RAB31: variants seen among roughly 807,000 people sequenced by gnomAD.
The protein encoded by RAB31 is RAB31, member RAS oncogene family.
In RAB31, 21 loss-of-function variants were observed where a neutral mutation model predicts 25.6. That is an observed-to-expected ratio of 0.82 (90% CI 0.58 to 1.18). The LOEUF (loss-of-function observed/expected upper bound fraction) is 1.18. Ranked by LOEUF, RAB31 falls within the 50% of genes most tolerant of loss-of-function variation. RAB31 has a pLI of 0.00. For synonymous variants in RAB31, 87 were observed against 84.0 expected, an observed-to-expected ratio of 1.04 and a Z score of -0.20; for missense variants, 196 against 250.1, an observed-to-expected ratio of 0.78 and a Z score of 1.46.
chr18:9,823,630 A>T (rs1681964238), intron 5 of RAB31, among the ~76,000 whole-genome samples: 1 of 152,218 alleles, frequency 6.6e-6, no homozygotes, highest in South Asian at 2.1e-4. Flanking sequence ...AGATAAAAAT[A>T]ATAAATATTG....
At chr18:9,797,875 G>GGAT (rs1402709511) in intron 3 of RAB31, among the ~76,000 whole-genome samples, 12 of 152,166 alleles carry the variant, frequency 7.9e-5, no homozygotes, top group Admixed American at 6.6e-4. Context: ...GGCTATTCAA[G>GGAT]GAATAGTCTT....
chr18:9,830,175 A>T lies in RAB31; in HGVS notation c.380+14953A>T, dbSNP rs78207791. Among the ~76,000 whole-genome samples the T allele has an allele frequency of 4.6e-3, 691 of 151,600 alleles. 4 individuals are homozygous for T. The highest frequency in any genetic ancestry group is 0.015 in the African/African-American group (628 of 41,348). ...ACCACCATACCCAGCTAATTTTTTT[A>T]AAAAAATTTATGTGTTTGTAGAGAT... On this transcript the variant is annotated intron_variant, in intron 5 of 6. Coordinates refer to ENST00000578921, the MANE Select transcript of RAB31 (RefSeq NM_006868.4).
chr18:9,847,887 T>C (rs2068769590), intron 6 of RAB31, among the ~76,000 whole-genome samples: 1 of 152,072 alleles, frequency 6.6e-6, no homozygotes, highest in South Asian at 2.1e-4. Context: ...AGTAATAACT[T>C]AAAAGACATT....
At chr18:9,722,631 G>A (rs2068078919) in intron 1 of RAB31, 1 of 152,162 alleles carries the variant, frequency 6.6e-6, no homozygotes, top group South Asian at 2.1e-4. Context: ...TTATACAGTG[G>A]AATAGTTAAT....
At chr18:9,800,814 T>G (rs1426095627) in intron 3 of RAB31, among the ~76,000 whole-genome samples, 1 of 152,206 alleles carries the variant, frequency 6.6e-6, no homozygotes, top group Non-Finnish European at 1.5e-5. Context: ...ACAGCTTTAC[T>G]GAGATCCGAT....
chr18:9,807,127 G>C (rs780898381), intron 3 of RAB31, among the ~76,000 whole-genome samples: 2 of 152,184 alleles, frequency 1.3e-5, no homozygotes, highest in Non-Finnish European at 2.9e-5. Context: ...TCTGAAGGCC[G>C]TGCTGGCTAG....
At chr18:9,709,526 GA>G (rs1488208745) in intron 1 of RAB31, among the ~76,000 whole-genome samples, 1 of 152,354 alleles carries the variant, frequency 6.6e-6, no homozygotes, top group East Asian at 1.9e-4. Context: ...TGATTTCGGT[GA>G]GGACTGAATT....
At chr18:9,714,666 T>C (rs1599008356) in intron 1 of RAB31, among the ~76,000 whole-genome samples, 2 of 152,274 alleles carry the variant, frequency 1.3e-5, no homozygotes, top group South Asian at 2.1e-4. Context: ...TTATCACTTA[T>C]GACATGTGTT....
At chr18:9,851,241 T>C (rs1420771073) in intron 6 of RAB31, among the ~76,000 whole-genome samples, 2 of 152,172 alleles carry the variant, frequency 1.3e-5, no homozygotes, top group African/African-American at 4.8e-5. Context: ...ACAGACTTTC[T>C]TACACCAAGA....
At chr18:9,778,469 T>G (rs2068385054) in intron 2 of RAB31, among the ~76,000 whole-genome samples, 2 of 152,238 alleles carry the variant, frequency 1.3e-5, no homozygotes, top group South Asian at 4.2e-4. Flanking sequence ...TAACTTTTTG[T>G]TTTTTTGAGA....
chr18:9,748,900 T>C (rs58366939), intron 1 of RAB31, among the ~76,000 whole-genome samples: 1 of 150,246 alleles, frequency 6.7e-6, no homozygotes, highest in Non-Finnish European at 1.5e-5. Flanking sequence ...CAAAAAAAAA[T>C]AATAATAAAA....
intron 5 of RAB31, among the ~76,000 whole-genome samples, chr18:9,829,729 G>A (rs943816870): frequency 6.6e-6 from 1 of 152,152 alleles, no homozygotes; most frequent in African/African-American, 2.4e-5. Context: ...AGTGCTATCT[G>A]ACAGTCATTT....
At chr18:9,710,624 G>T (rs1481187028) in intron 1 of RAB31, among the ~76,000 whole-genome samples, 1 of 150,580 alleles carries the variant, frequency 6.6e-6, no homozygotes, top group Non-Finnish European at 1.5e-5. Flanking sequence ...AGGCTGAGGC[G>T]GGGGGATCAT....
chr18:9,750,045 G>A (rs1348380378), intron 1 of RAB31, among the ~76,000 whole-genome samples: 4 of 152,272 alleles, frequency 2.6e-5, no homozygotes, highest in African/African-American at 4.8e-5. Flanking sequence ...AGCTGTAACC[G>A]CAGCTAACCA....
At chr18:9,842,201 T>C (rs992106921) in intron 5 of RAB31, among the ~76,000 whole-genome samples, 1 of 152,112 alleles carries the variant, frequency 6.6e-6, no homozygotes, top group Non-Finnish European at 1.5e-5. Context: ...GTTCAATAGT[T>C]CGTATTGAGG....
chr18:9,780,738 C>T (rs2068399067), intron 2 of RAB31, among the ~76,000 whole-genome samples: 1 of 152,092 alleles, frequency 6.6e-6, no homozygotes, highest in African/African-American at 2.4e-5. Flanking sequence ...CAAGACCAGC[C>T]TGGCCAACAT....
intron 1 of RAB31, among the ~76,000 whole-genome samples, chr18:9,744,668 G>A (rs1958692560): frequency 1.3e-5 from 2 of 152,116 alleles, no homozygotes; most frequent in African/African-American, 4.8e-5. Flanking sequence ...TAATCCTGAG[G>A]GCTTAAGACA....
chr18:9,814,982 A>G, intron 4 of RAB31, 134 bp from the exon 5 acceptor site: 2 of 599,274 alleles, frequency 3.3e-6, no homozygotes, highest in Non-Finnish European at 5.8e-6. Flanking sequence ...GCCTAGACAG[A>G]GGTAGTATGT....
intron 6 of RAB31, among the ~76,000 whole-genome samples, chr18:9,857,383 A>G (rs114375502): frequency 1.3e-3 from 201 of 152,246 alleles, no homozygotes; most frequent in African/African-American, 4.6e-3. Flanking sequence ...ACCCACTTGC[A>G]TTAAAAGACT....
Sources: allele counts gnomAD v4.1 joint callset (sites outside exome capture counted in the v4.1 genomes callset), GRCh38; gene constraint gnomAD v4.1.1; transcripts MANE v1.5; gene names NCBI Gene and HGNC (gene_info 2026-07-23, HGNC 2026-07-21).